The following ATRNL1 variants were observed in gnomAD, a reference collection of about 807,000 sequenced individuals.
ATRNL1 encodes attractin like 1.
In ATRNL1, 95 loss-of-function variants were observed where a neutral mutation model predicts 182.7. The ratio of observed to expected loss-of-function variants is 0.52; its 90% confidence interval spans 0.44 to 0.62. The LOEUF (loss-of-function observed/expected upper bound fraction) is 0.62, where lower values mean the gene tolerates loss of function less well. ATRNL1 is among the 20% of genes least tolerant of loss of function. ATRNL1 has a pLI of 0.00. For missense variants in ATRNL1, 1,471 were observed against 1,679.5 expected, an observed-to-expected ratio of 0.88 and a Z score of 2.17; for synonymous variants, 576 against 568.3, an observed-to-expected ratio of 1.01 and a Z score of -0.19.
intron 28 of ATRNL1, among the ~76,000 whole-genome samples, chr10:115,914,100 A>C (rs1022493288): frequency 3.3e-5 from 5 of 152,044 alleles, no homozygotes; most frequent in African/African-American, 1.2e-4. Context: ...TGGTTTTATA[A>C]GGGGTTTTCC....
chr10:115,767,566 C>T (rs1555075321), intron 27 of ATRNL1, among the ~76,000 whole-genome samples: 1 of 152,112 alleles, frequency 6.6e-6, no homozygotes, highest in African/African-American at 2.4e-5. Context: ...TACCCATATT[C>T]TCCTAAACTA....
intron 19 of ATRNL1, among the ~76,000 whole-genome samples, chr10:115,370,454 A>G (rs1298222386): frequency 6.6e-6 from 1 of 152,202 alleles, no homozygotes; most frequent in African/African-American, 2.4e-5. Context: ...TGGACAATGA[A>G]ATCCAGGCTG....
chr10:115,400,947 G>A (rs1565001740), intron 20 of ATRNL1, among the ~76,000 whole-genome samples: 1 of 151,892 alleles, frequency 6.6e-6, no homozygotes, highest in Non-Finnish European at 1.5e-5. Context: ...TTACATTTAA[G>A]GTTACCATAA....
In ATRNL1 at chr10:115,864,611, C is replaced by T. The variant is rs113165555; in HGVS notation, c.4018+16620C>T. 5.3e-3 allele frequency among the ~76,000 whole-genome samples: 802 copies of T among 152,290 alleles called. 7 individuals are homozygous for T. The highest frequency in any genetic ancestry group is 0.018 in the African/African-American group (752 of 41,566). On this transcript the variant is annotated intron_variant, in intron 28 of 28. Coordinates refer to ENST00000355044, the MANE Select transcript of ATRNL1 (RefSeq NM_207303.4). ...TAATTAAACATATAGAAATCATATG[C>T]CTGCTGACATGTTGCATGGAGAAGA... is the stretch of plus-strand genomic sequence containing the variant.
At chr10:115,797,496 G>T (rs550966897) in intron 27 of ATRNL1, among the ~76,000 whole-genome samples, 16 of 152,184 alleles carry the variant, frequency 1.1e-4, no homozygotes, top group African/African-American at 3.4e-4. Flanking sequence ...CAACTGCAAG[G>T]CTTCTTCTGC....
At chr10:115,719,731 A>C (rs1356670359) in intron 26 of ATRNL1, among the ~76,000 whole-genome samples, 1 of 152,104 alleles carries the variant, frequency 6.6e-6, no homozygotes, top group East Asian at 1.9e-4. Context: ...AAATGATTTT[A>C]CCAAGGTCTA....
chr10:115,283,186 G>T (rs568025509), intron 14 of ATRNL1, among the ~76,000 whole-genome samples: 1 of 152,160 alleles, frequency 6.6e-6, no homozygotes, highest in East Asian at 1.9e-4. Flanking sequence ...GGCTGAGGTG[G>T]GTGGATCACT....
At chr10:115,740,617 T>C (rs1948109860) in intron 27 of ATRNL1, among the ~76,000 whole-genome samples, 1 of 152,190 alleles carries the variant, frequency 6.6e-6, no homozygotes. Flanking sequence ...GCAATTCTTC[T>C]GCCTCCGCCT....
intron 26 of ATRNL1, among the ~76,000 whole-genome samples, chr10:115,554,355 T>G (rs1271673320): frequency 1.3e-5 from 2 of 151,720 alleles, no homozygotes; most frequent in East Asian, 3.9e-4. Flanking sequence ...TTTCAAAATT[T>G]TAACATAAAT....
chr10:115,375,229 T>G (rs1239113533), intron 19 of ATRNL1, among the ~76,000 whole-genome samples: 1 of 151,864 alleles, frequency 6.6e-6, no homozygotes, highest in Non-Finnish European at 1.5e-5. Flanking sequence ...TATTACCTAA[T>G]GACCTTCTTT....
At chr10:115,801,574 AC>A (rs1213893907) in intron 27 of ATRNL1, among the ~76,000 whole-genome samples, 1 of 152,138 alleles carries the variant, frequency 6.6e-6, no homozygotes, top group Non-Finnish European at 1.5e-5. Flanking sequence ...TAAGTATTTA[AC>A]TTGTGGATGG....
At chr10:115,150,934 A>G (rs1846196949) in intron 5 of ATRNL1, among the ~76,000 whole-genome samples, 1 of 152,014 alleles carries the variant, frequency 6.6e-6, no homozygotes, top group Non-Finnish European at 1.5e-5. Flanking sequence ...AAGTGTTCTC[A>G]TTGTTCAATT....
At chr10:115,528,971 G>T (rs1592792104) in intron 25 of ATRNL1, among the ~76,000 whole-genome samples, 1 of 151,974 alleles carries the variant, frequency 6.6e-6, no homozygotes, top group Non-Finnish European at 1.5e-5. Flanking sequence ...ACTGTGGGTG[G>T]TGAAGATACT....
At chr10:115,406,494 T>G (rs1844835048) in intron 20 of ATRNL1, among the ~76,000 whole-genome samples, 2 of 152,232 alleles carry the variant, frequency 1.3e-5, no homozygotes, top group South Asian at 4.1e-4. Flanking sequence ...TTTATGAATT[T>G]TATTAATGCT....
At chr10:115,333,547 G>A (rs1168340016) in intron 18 of ATRNL1, among the ~76,000 whole-genome samples, 2 of 147,914 alleles carry the variant, frequency 1.4e-5, no homozygotes, top group East Asian at 2.0e-4. Flanking sequence ...GCACTGGCAC[G>A]ATCTCGGCTC....
intron 27 of ATRNL1, among the ~76,000 whole-genome samples, chr10:115,796,530 A>T (rs1949658208): frequency 6.6e-6 from 1 of 152,180 alleles, no homozygotes; most frequent in Non-Finnish European, 1.5e-5. Flanking sequence ...CATTTTTTCC[A>T]TCTTTTTATT....
intron 19 of ATRNL1, among the ~76,000 whole-genome samples, chr10:115,350,376 A>G (rs1019930283): frequency 7.0e-6 from 1 of 143,386 alleles, no homozygotes; most frequent in African/African-American, 2.5e-5. Context: ...AATTTCCTCA[A>G]TGTTTTCTTC....
chr10:115,596,955 T>G (rs1856280609), intron 26 of ATRNL1, among the ~76,000 whole-genome samples: 1 of 150,916 alleles, frequency 6.6e-6, no homozygotes, highest in South Asian at 2.1e-4. Context: ...TCCTATTTAT[T>G]TTGGTTGCCA....
At chr10:115,928,426 G>T (rs2134585211) in intron 28 of ATRNL1, among the ~76,000 whole-genome samples, 1 of 152,110 alleles carries the variant, frequency 6.6e-6, no homozygotes, top group Non-Finnish European at 1.5e-5. Flanking sequence ...GAAAATCTTA[G>T]ACTTCATAAG....
Sources: allele counts gnomAD v4.1 joint callset (sites outside exome capture counted in the v4.1 genomes callset), GRCh38; gene constraint gnomAD v4.1.1; transcripts MANE v1.5; gene names NCBI Gene and HGNC (gene_info 2026-07-23, HGNC 2026-07-21).